Variants in CD34 observed in about 807,000 individuals in gnomAD.
CD34 encodes the protein CD34 molecule, also known as hematopoietic progenitor cell antigen CD34.
A neutral mutation model predicts 40.1 loss-of-function variants in CD34; 34 were observed. That is an observed-to-expected ratio of 0.85 (90% confidence interval 0.65 to 1.13). The LOEUF (loss-of-function observed/expected upper bound fraction) is 1.13. CD34 is among the 50% of genes most tolerant of loss of function. The pLI, the probability that CD34 is intolerant of heterozygous loss-of-function variation, is 0.00. For synonymous variants in CD34, 209 were observed against 190.0 expected, an observed-to-expected ratio of 1.10 and a Z score of -0.82; for missense variants, 426 against 466.9, an observed-to-expected ratio of 0.91 and a Z score of 0.81.
In CD34 at chr1:207,887,901, T is replaced by C. The variant is rs1374859635; in HGVS notation, c.995A>G (p.Glu332Gly). The change falls in exon 8 of 8, where the codon GAA becomes GGA. Residue 332 changes from glutamate to glycine, a missense_variant. Physicochemically the swap from Glu to Gly is moderately conservative, Grantham distance 98. Transcript: ENST00000310833. ...GCTATAGCCCTGGCCTCCACCGTTT[T>C]CCGTGTAATAAGGGTCTTCGCCCTA... ...ERLGEDPYYT[E>G]NGGGQGYSSG... 5 of 1,614,034 alleles carry C rather than the reference T, an allele frequency of 3.1e-6. No individual in the cohort carries two copies. In the East Asian group the frequency reaches 8.9e-5, roughly 29 times the overall value.
Position 207,888,713 on chromosome 1 carries a change from C to A in CD34, c.941G>T (p.Arg314Leu). The change falls in exon 7 of 8, where the codon CGC becomes CTC. Residue 314 changes from arginine (R) to leucine (L), a missense_variant. Physicochemically the swap from Arg to Leu is moderately radical, Grantham distance 102. Coordinates refer to ENST00000310833, the MANE Select transcript of CD34 (RefSeq NM_001025109.2). Reference protein sequence around the residue: ...LGITGYFLMNRRSWSPTGERL... With the variant: ...LGITGYFLMNLRSWSPTGERL... ...TTCTCCTGTGGGGCTCCAGCTGCGG[C>A]GATTCATCAGGAAATAGCCAGTGAT... 6.2e-7 allele frequency: 1 copy of A among 1,614,200 alleles called. No individual in the cohort carries two copies. Among genetic ancestry groups the A allele is most frequent in the East Asian group, 2.2e-5 (1 of 44,890 alleles).
At position 207,888,839 on chromosome 1, in the gene CD34, A is replaced by C; in HGVS notation, c.815T>G (p.Ile272Ser). 6.2e-7 allele frequency: 1 copy of C among 1,614,036 alleles called. No individual in the cohort carries two copies. The highest frequency in any genetic ancestry group is 8.5e-7 in the Non-Finnish European group (1 of 1,179,942). ...KHQSDLKKLG[I>S]LDFTEQDVAS... is the part of the protein sequence containing the mutation. ...AACATCTTGCTCAGTGAAATCTAGG[A>C]TCCCCAGCTTGAAAAGAAGACAAAG... The change falls in exon 7 of 8, where the codon ATC (isoleucine) becomes AGC (serine). Residue 272 changes from isoleucine (I) to serine (S), a missense_variant. By Grantham distance (142) the Ile-to-Ser change is moderately radical. Transcript: ENST00000310833.
chr1:207,889,911 T>C lies in CD34; in HGVS notation c.598-290A>G, dbSNP rs1036709534. The stretch of plus-strand genomic sequence containing the variant: ...CGTTGAAGCATTGCCCATGTACACA[T>C]ATGCAAATTAAACTCAAAAGAAATG... On this transcript the variant is annotated intron_variant, in intron 4 of 7. Transcript: ENST00000310833. 5 of 1,502,432 alleles carry C rather than the reference T, an allele frequency of 3.3e-6. No individual in the cohort carries two copies. The African/African-American group carries it at 5.7e-5, about 17-fold the overall frequency. 93.1% of individuals were successfully genotyped at this position (1,502,432 alleles called of 1,614,324 possible). A position where few individuals can be genotyped will look rare whatever the true frequency, so the allele number is the denominator to read the frequency against.
At chr1:207,897,135 G>T (rs1008708308) in intron 4 of CD34, among the ~76,000 whole-genome samples, 1 of 152,046 alleles carries the variant, frequency 6.6e-6, no homozygotes, top group African/African-American at 2.4e-5. Context: ...TATCTGGTGA[G>T]TGAGAAGGAC....
chr1:207,896,100 A>T (rs1662145467), intron 4 of CD34, among the ~76,000 whole-genome samples: 1 of 152,216 alleles, frequency 6.6e-6, no homozygotes, highest in Non-Finnish European at 1.5e-5. Context: ...ACCGAGTTAG[A>T]ATGGAAAAAA....
At position 207,899,872 on chromosome 1, in the gene CD34, T is replaced by C. The variant is rs780226626; in HGVS notation, c.211A>G (p.Ser71Gly). The change falls in exon 2 of 8, where the codon AGC becomes GGC. Residue 71 changes from serine (S) to glycine (G), a missense_variant. Coordinates refer to ENST00000310833, the MANE Select transcript of CD34 (RefSeq NM_001025109.2). ...CCATGTTGAGACACAGGGTGCAGGCTGGTACTTCCAAGGGTACTAGGTGTT... is the reference window on the plus strand; with the variant it reads ...CCATGTTGAGACACAGGGTGCAGGCCGGTACTTCCAAGGGTACTAGGTGTT... ...TTTPSTLGSTSLHPVSQHGNE... is the reference protein window; with the variant it reads ...TTTPSTLGSTGLHPVSQHGNE... 1 of 1,613,986 alleles carries C rather than the reference T, an allele frequency of 6.2e-7. No individual in the cohort carries two copies. Among genetic ancestry groups the C allele is most frequent in the Non-Finnish European group, 8.5e-7 (1 of 1,179,906 alleles).
intron 1 of CD34, among the ~76,000 whole-genome samples, chr1:207,909,119 T>A (rs1014738048): frequency 2.0e-5 from 3 of 152,162 alleles, no homozygotes; most frequent in Non-Finnish European, 2.9e-5. Context: ...GCTCAAGTAG[T>A]CTGGCAAGGC....
chr1:207,893,442 C>T lies in CD34; in HGVS notation c.598-3821G>A, dbSNP rs537454446. On this transcript the variant is annotated intron_variant, in intron 4 of 7. Coordinates refer to ENST00000310833, the MANE Select transcript of CD34 (RefSeq NM_001025109.2). ...GTGAGTTTGACAATGCAGGTGAAAA[C>T]GCTATTTTCACATAGAAAATGGAAT... Among the ~76,000 whole-genome samples the T allele has an allele frequency of 1.1e-4, 16 of 152,130 alleles. No individual in the cohort carries two copies. The South Asian group carries it at 1.2e-3, about 12-fold the overall frequency.
At chr1:207,889,706 T>C (rs756798764) in intron 4 of CD34, 85 bp from the exon 5 acceptor site, 9 of 1,607,172 alleles carry the variant, frequency 5.6e-6, no homozygotes, top group Middle Eastern at 1.7e-4. Flanking sequence ...ATTACAGTCA[T>C]ACTCTTACCC....
At chr1:207,907,601 T>C (rs1357098642) in intron 1 of CD34, among the ~76,000 whole-genome samples, 1 of 152,204 alleles carries the variant, frequency 6.6e-6, no homozygotes, top group Non-Finnish European at 1.5e-5. Flanking sequence ...CAAAGGCCTT[T>C]TCCGTTGCAT....
intron 6 of CD34, 40 bp downstream of exon 6, chr1:207,889,121 C>T: frequency 2.4e-6 from 3 of 1,267,616 alleles, no homozygotes; most frequent in African/African-American, 1.5e-5. Context: ...CCCCCCTGCC[C>T]CGGCATTCCC....
chr1:207,909,230 C>A (rs1303154904), intron 1 of CD34, among the ~76,000 whole-genome samples: 6 of 152,076 alleles, frequency 3.9e-5, no homozygotes, highest in Non-Finnish European at 7.4e-5. Flanking sequence ...TCCCCCAACC[C>A]CAACCTCGGC....
At position 207,896,994 on chromosome 1, in the gene CD34, G is replaced by A. The variant is rs1225592175; in HGVS notation, c.597+499C>T. On this transcript the variant is annotated intron_variant, in intron 4 of 7. Transcript: ENST00000310833. ...GGGAGTCATTCAACAAATAATGTTAGGAAAAACGGTTACATGGAAAATATA... is the reference window on the plus strand; with the variant it reads ...GGGAGTCATTCAACAAATAATGTTAAGAAAAACGGTTACATGGAAAATATA... Among the ~76,000 whole-genome samples, 5 of 152,010 alleles carry A rather than the reference G, an allele frequency of 3.3e-5. No homozygotes were observed. The East Asian group carries it at 5.8e-4, about 18-fold the overall frequency.
chr1:207,898,336 C>T (rs1017935968), intron 3 of CD34, among the ~76,000 whole-genome samples: 6 of 152,126 alleles, frequency 3.9e-5, no homozygotes, highest in East Asian at 1.9e-4. Flanking sequence ...TGAGCCACCA[C>T]GCCTGGCCCT....
chr1:207,888,979 G>A, intron 6 of CD34, 133 bp from the exon 7 acceptor site: 1 of 987,106 alleles, frequency 1.0e-6, no homozygotes, highest in East Asian at 2.4e-5. Flanking sequence ...TTTGAAATGG[G>A]ATTTGAGACT....
intron 4 of CD34, among the ~76,000 whole-genome samples, chr1:207,894,199 C>T (rs1209076521): frequency 6.6e-6 from 1 of 152,190 alleles, no homozygotes; most frequent in Non-Finnish European, 1.5e-5. Flanking sequence ...TTTACACTTA[C>T]AATGGAATAT....
At chr1:207,889,755 G>GAAA (rs3043874) in intron 4 of CD34, 134 bp from the exon 5 acceptor site, 654 of 1,484,924 alleles carry the variant, frequency 4.4e-4, no homozygotes, top group Admixed American at 1.8e-3. Flanking sequence ...AATTCCAACA[G>GAAA]AAAAAAAAAA....
At position 207,889,011 on chromosome 1, in the gene CD34, A is replaced by T. The variant is rs1571766836; in HGVS notation, c.807+150T>A. On this transcript the variant is annotated intron_variant, in intron 6 of 7. Transcript: ENST00000310833. ...GACTGACGTCTCTTAATTCAGTCAT[A>T]CCCCACCATTTTTGGTTCAAGACTA... 3.5e-6 allele frequency: 3 copies of T among 862,016 alleles called. No homozygotes were observed. In the East Asian group the frequency reaches 7.2e-5, roughly 21 times the overall value. 53.4% of individuals were successfully genotyped at this position (862,016 alleles called of 1,614,324 possible). A position where few individuals can be genotyped will look rare whatever the true frequency, so the allele number is the denominator to read the frequency against.
rs1279253709 is a variant in CD34 at position 207,881,715 on chromosome 1, G to C, written c.*6023C>G. The C allele has an allele frequency of 6.7e-6, 1 of 149,622 alleles. No homozygotes were observed. The highest frequency in any genetic ancestry group is 1.5e-5 in the Non-Finnish European group (1 of 67,664). The allele number at this position is 149,622 out of a possible 1,614,324, so 9.3% of individuals were successfully genotyped here. A position where few individuals can be genotyped will look rare whatever the true frequency, so the allele number is the denominator to read the frequency against. Reference sequence around the variant, plus strand: ...TTCTTCTCTTCAGCCAGATATTAGAGAGATTTACCAAAGTCTAAAACAATG... The same window carrying C: ...TTCTTCTCTTCAGCCAGATATTAGACAGATTTACCAAAGTCTAAAACAATG... On this transcript the variant is annotated 3_prime_UTR_variant, in exon 8 of 8. Transcript: ENST00000310833.
Sources: allele counts gnomAD v4.1 joint callset (sites outside exome capture counted in the v4.1 genomes callset), GRCh38; gene constraint gnomAD v4.1.1; transcripts MANE v1.5; gene names NCBI Gene and HGNC (gene_info 2026-07-23, HGNC 2026-07-21).